Variants in UTRN observed in about 807,000 individuals in gnomAD.
UTRN encodes utrophin.
UTRN carries 283 observed loss-of-function variants against 463.9 expected under a neutral mutation model. The ratio of observed to expected loss-of-function variants is 0.61; its 90% CI spans 0.55 to 0.67. The LOEUF (loss-of-function observed/expected upper bound fraction) is 0.67. UTRN is among the 30% of genes least tolerant of loss of function. The pLI, the probability that UTRN is intolerant of heterozygous loss-of-function variation, is 0.00. For missense variants in UTRN, 3,922 were observed against 4,084.3 expected (o/e 0.96, Z 1.08); for synonymous variants, 1,442 against 1,431.5 (o/e 1.01, Z -0.17).
At chr6:144,626,767 G>A (rs1346947754) in intron 51 of UTRN, among the ~76,000 whole-genome samples, 6 of 152,178 alleles carry the variant, frequency 3.9e-5, no homozygotes, top group Non-Finnish European at 7.3e-5. Context: ...AGCCTCCCGA[G>A]TAGCTGGGAC....
At chr6:144,495,267 CG>C (rs1793506250) in intron 33 of UTRN, among the ~76,000 whole-genome samples, 1 of 152,194 alleles carries the variant, frequency 6.6e-6, no homozygotes, top group Non-Finnish European at 1.5e-5. Context: ...TCAGGAATGG[CG>C]GGCTGCAGGT....
intron 14 of UTRN, among the ~76,000 whole-genome samples, chr6:144,444,656 A>G (rs1336251646): frequency 1.3e-5 from 2 of 152,198 alleles, no homozygotes; most frequent in Non-Finnish European, 2.9e-5. Context: ...GTTTGACATC[A>G]TAGTTATTAG....
chr6:144,290,495 GTGGTGATTTTCCATTCAA>G (rs1804124803), intron 1 of UTRN, among the ~76,000 whole-genome samples: 1 of 152,128 alleles, frequency 6.6e-6, no homozygotes, highest in South Asian at 2.1e-4. Context: ...TGTAGATGAT[GTGGTGATTTTCCATTCAA>G]TTGCATGATG....
At chr6:144,695,182 T>C (rs987971740) in intron 52 of UTRN, among the ~76,000 whole-genome samples, 2 of 152,146 alleles carry the variant, frequency 1.3e-5, no homozygotes, top group Non-Finnish European at 2.9e-5. Flanking sequence ...AAGATCATAA[T>C]AACAGCTAAT....
At chr6:144,803,899 G>A (rs1777918248) in intron 65 of UTRN, among the ~76,000 whole-genome samples, 1 of 151,986 alleles carries the variant, frequency 6.6e-6, no homozygotes, top group Non-Finnish European at 1.5e-5. Flanking sequence ...AATACTTGAT[G>A]TCAACGTTTT....
At chr6:144,381,457 A>G (rs896226705) in intron 2 of UTRN, among the ~76,000 whole-genome samples, 8 of 152,112 alleles carry the variant, frequency 5.3e-5, no homozygotes, top group Non-Finnish European at 1.0e-4. Flanking sequence ...AGTCTTTGTT[A>G]CTGTGCTGCA....
chr6:144,772,584 A>C (rs1365130276), intron 59 of UTRN, among the ~76,000 whole-genome samples: 4 of 152,218 alleles, frequency 2.6e-5, no homozygotes, highest in Non-Finnish European at 2.9e-5. Context: ...TTGCACGCAA[A>C]AAATATATAT....
rs750828413 is a variant in UTRN at position 144,835,872 on chromosome 6, A to C, written c.9758A>C (p.Lys3253Thr). The change falls in exon 70 of 75, where the codon AAG (lysine) becomes ACG (threonine). Residue 3253 changes from lysine (K) to threonine (T), a missense_variant. By Grantham distance (78) the Lys-to-Thr change is moderately conservative (BLOSUM62 -1). This residue lies in a region of UTRN where 1,309 missense variants were observed against 1,452.6 expected (regional missense o/e 0.90). Coordinates refer to ENST00000367545, the MANE Select transcript of UTRN (RefSeq NM_007124.3). ...CCGCAGAGCCCAGCTCAGATCCTGA[A>C]GTCAGTAGAGAGGGAAGAACGTGGA... ...SQPQSPAQILKSVEREERGEL... is the reference protein window; with the variant it reads ...SQPQSPAQILTSVEREERGEL... The C allele has an allele frequency of 3.2e-5, 52 of 1,614,164 alleles. No individual in the cohort carries two copies. The Middle Eastern group carries it at 8.2e-4, about 26-fold the overall frequency.
intron 53 of UTRN, among the ~76,000 whole-genome samples, chr6:144,707,952 T>A (rs140233938): frequency 6.6e-6 from 1 of 152,286 alleles, no homozygotes; most frequent in African/African-American, 2.4e-5. Flanking sequence ...TAATAAGAGT[T>A]GTTAAACATC....
At chr6:144,703,939 T>G (rs942935167) in intron 53 of UTRN, among the ~76,000 whole-genome samples, 5 of 152,154 alleles carry the variant, frequency 3.3e-5, no homozygotes, top group African/African-American at 1.2e-4. Context: ...ATATTAATAT[T>G]ATTTTATTAT....
chr6:144,390,886 G>A (rs916106454), intron 2 of UTRN, among the ~76,000 whole-genome samples: 3 of 152,158 alleles, frequency 2.0e-5, no homozygotes, highest in African/African-American at 7.2e-5. Flanking sequence ...TTCCTTGAAA[G>A]CAACATCTGG....
At chr6:144,327,576 G>A (rs1776051097) in intron 2 of UTRN, among the ~76,000 whole-genome samples, 1 of 152,112 alleles carries the variant, frequency 6.6e-6, no homozygotes, top group South Asian at 2.1e-4. Flanking sequence ...GCTGATTAAA[G>A]TAGTTCATAG....
At chr6:144,595,455 TAG>T (rs1480481377) in intron 51 of UTRN, among the ~76,000 whole-genome samples, 1 of 152,134 alleles carries the variant, frequency 6.6e-6, no homozygotes, top group Non-Finnish European at 1.5e-5. Context: ...CTAACCACCT[TAG>T]GTCTTTCTGC....
chr6:144,420,763 C>T (rs1245330754), intron 3 of UTRN, among the ~76,000 whole-genome samples: 1 of 152,146 alleles, frequency 6.6e-6, no homozygotes, highest in Non-Finnish European at 1.5e-5. Flanking sequence ...ATCACGTACT[C>T]CCATAATGGA....
chr6:144,849,382 C>T lies in UTRN; in HGVS notation c.10294-1607C>T, dbSNP rs536852081. On this transcript the variant is annotated intron_variant, in intron 74 of 74. Transcript: ENST00000367545. The stretch of plus-strand genomic sequence containing the variant: ...CAAAGGCAAGGAGGGAAGAGAGAAT[C>T]TTTTAAAATCCTCAGATATAATACA... 2.0e-5 allele frequency among the ~76,000 whole-genome samples: 3 copies of T among 152,232 alleles called. No homozygotes were observed. The East Asian group carries it at 5.8e-4, about 29-fold the overall frequency.
chr6:144,509,851 T>A (rs1213494494), intron 34 of UTRN, among the ~76,000 whole-genome samples: 2 of 152,186 alleles, frequency 1.3e-5, no homozygotes, highest in Non-Finnish European at 2.9e-5. Flanking sequence ...TAGTTCATTA[T>A]TTTTTATAGT....
intron 2 of UTRN, among the ~76,000 whole-genome samples, chr6:144,319,253 G>A (rs780531235): frequency 2.6e-5 from 4 of 151,870 alleles, no homozygotes; most frequent in Admixed American, 2.6e-4. Context: ...AGGCTGTTAA[G>A]TTGTGGGTCT....
At position 144,371,699 on chromosome 6, in the gene UTRN, C is replaced by T. The variant is rs60198643; in HGVS notation, c.80-31424C>T. 6.2e-3 allele frequency among the ~76,000 whole-genome samples: 943 copies of T among 152,288 alleles called. 9 individuals are homozygous for T. Among genetic ancestry groups the T allele is most frequent in the African/African-American group, 0.022 (907 of 41,570 alleles). ...CTGGGATTACAGGCATGAGCCACTG[C>T]GCCTGGCCGCAGATTAACTTTTATA... On this transcript the variant is annotated intron_variant, in intron 2 of 74. Coordinates refer to ENST00000367545, the MANE Select transcript of UTRN (RefSeq NM_007124.3).
Position 144,424,258 on chromosome 6 carries a change from C to G in UTRN, c.405+180C>G, listed in dbSNP as rs79863126. 0.012 allele frequency among the ~76,000 whole-genome samples: 1,815 copies of G among 152,244 alleles called. 70 individuals carry two copies. The East Asian group carries it at 0.14, about 12-fold the overall frequency. ...CAAGGCATCAGCAGGGTTGGTTTTT[C>G]CTGAGGGCTCTGAGGGAGACTCTGA... On this transcript the variant is annotated intron_variant, in intron 6 of 74. Transcript: ENST00000367545.
Sources: gnomAD v4.1 joint callset for allele counts (sites outside exome capture counted in the v4.1 genomes callset) on GRCh38, gnomAD v4.1.1 for gene constraint, gnomAD v4.1.1 regional missense constraint, MANE v1.5 for transcripts, NCBI Gene and HGNC (gene_info 2026-07-23, HGNC 2026-07-21) for gene names.